LANCL2: variants seen among roughly 807,000 people sequenced by gnomAD.
LANCL2 encodes LanC like glutathione S-transferase 2.
In LANCL2, 33 loss-of-function variants were observed where a neutral mutation model predicts 56.9. The observed-to-expected ratio is 0.58, with a 90% CI of 0.44 to 0.78. The LOEUF (loss-of-function observed/expected upper bound fraction) is 0.78, where lower values mean the gene tolerates loss of function less well. Among genes scored for constraint, LANCL2 ranks in the 30% least tolerant of loss-of-function variants. The probability of loss-of-function intolerance (pLI) is 0.00; values close to 1 mark genes in which losing one functional copy is unlikely to be tolerated. For missense variants in LANCL2, 562 were observed against 580.2 expected (o/e 0.97, Z 0.32); for synonymous variants, 233 against 228.2 (o/e 1.02, Z -0.19).
Position 55,365,976 on chromosome 7 carries a change from G to A in LANCL2, c.-50G>A, listed in dbSNP as rs2128990268. On this transcript the variant is annotated 5_prime_UTR_variant, in exon 1 of 9. Coordinates refer to ENST00000254770, the MANE Select transcript of LANCL2 (RefSeq NM_018697.4). Reference sequence around the variant, plus strand: ...GGAGGCGGCGGCGGGGCGAGCTGCAGCGCCGGGACAGGAGGTTTGTCCCCG... The same window carrying A: ...GGAGGCGGCGGCGGGGCGAGCTGCAACGCCGGGACAGGAGGTTTGTCCCCG... The A allele has an allele frequency of 7.4e-7, 1 of 1,342,290 alleles. No individual in the cohort carries two copies. The highest frequency in any genetic ancestry group is 9.7e-7 in the Non-Finnish European group (1 of 1,027,252). 83.1% of individuals were successfully genotyped at this position (1,342,290 alleles called of 1,614,324 possible). A position where few individuals can be genotyped will look rare whatever the true frequency, so the allele number is the denominator to read the frequency against.
chr7:55,407,448 A>G (rs548427387), intron 5 of LANCL2, among the ~76,000 whole-genome samples: 15 of 152,202 alleles, frequency 9.9e-5, no homozygotes, highest in Non-Finnish European at 1.9e-4. Context: ...GCCCCCATTA[A>G]AAAGTTAGTC....
At chr7:55,421,094 G>C (rs1286790114) in intron 6 of LANCL2, among the ~76,000 whole-genome samples, 2 of 152,032 alleles carry the variant, frequency 1.3e-5, no homozygotes, top group Non-Finnish European at 2.9e-5. Flanking sequence ...ACATCTTTTT[G>C]CTTTCAACCT....
chr7:55,428,765 A>G (rs2128996904), intron 8 of LANCL2, among the ~76,000 whole-genome samples: 1 of 152,324 alleles, frequency 6.6e-6, no homozygotes, highest in Middle Eastern at 3.4e-3. Context: ...TGCATATTTA[A>G]TATTGGTGTA....
At chr7:55,415,621 C>CTTTTTTTTTTTTTTTTTTTTTTTTTTT (rs71031852) in intron 6 of LANCL2, among the ~76,000 whole-genome samples, 6 of 111,768 alleles carry the variant, frequency 5.4e-5, no homozygotes, top group Non-Finnish European at 9.2e-5. Flanking sequence ...GTTTTTCTTT[C>CTTTTTTTTTTTTTTTTTTTTTTTTTTT]TTTTTTTTGA....
At chr7:55,420,978 TC>T (rs1329659637) in intron 6 of LANCL2, among the ~76,000 whole-genome samples, 2 of 152,236 alleles carry the variant, frequency 1.3e-5, no homozygotes, top group African/African-American at 4.8e-5. Context: ...TCTTTTATCA[TC>T]ATGGAATGTT....
At chr7:55,366,432 G>A (rs1235784285) in intron 1 of LANCL2, among the ~76,000 whole-genome samples, 1 of 152,266 alleles carries the variant, frequency 6.6e-6, no homozygotes. Context: ...CGTTCCAGCA[G>A]TTCGGCCCTC....
At chr7:55,370,041 C>G (rs1789925834) in intron 1 of LANCL2, among the ~76,000 whole-genome samples, 1 of 152,194 alleles carries the variant, frequency 6.6e-6, no homozygotes, top group Non-Finnish European at 1.5e-5. Flanking sequence ...CTGGGTGGTT[C>G]TGGCTCACGG....
intron 7 of LANCL2, among the ~76,000 whole-genome samples, chr7:55,426,398 A>G (rs1790664121): frequency 6.6e-6 from 1 of 152,246 alleles, no homozygotes; most frequent in African/African-American, 2.4e-5. Context: ...CACAGAAAAA[A>G]GATTGGAAGA....
At chr7:55,426,085 G>A (rs1790661644) in intron 7 of LANCL2, among the ~76,000 whole-genome samples, 1 of 152,194 alleles carries the variant, frequency 6.6e-6, no homozygotes, top group Non-Finnish European at 1.5e-5. Context: ...TCCTTGCCAT[G>A]CTGATCTGAA....
chr7:55,399,822 TG>T, intron 3 of LANCL2, 134 bp from the exon 4 acceptor site: 1 of 643,694 alleles, frequency 1.6e-6, no homozygotes, highest in Non-Finnish European at 2.5e-6. Flanking sequence ...GTTCTGGATT[TG>T]GGAGTATTTT....
Position 55,401,219 on chromosome 7 carries a change from G to A in LANCL2, c.724G>A (p.Glu242Lys). Residue 242 changes from glutamate to lysine, a missense_variant, in exon 5 of 9, where the codon GAA (glutamate) becomes AAA (lysine). Physicochemically the swap from Glu to Lys is moderately conservative, Grantham distance 56. This residue lies in a region of LANCL2 where 378 missense variants were observed against 468.4 expected (regional missense o/e 0.81). Coordinates refer to ENST00000254770, the MANE Select transcript of LANCL2 (RefSeq NM_018697.4). ...IESGKTLSREERKTERCPLLY... is the reference protein window; with the variant it reads ...IESGKTLSREKRKTERCPLLY... The stretch of plus-strand genomic sequence containing the variant: ...ATCGGGTAAGACTTTGTCAAGGGAA[G>A]AAAGAAAAACGGAGCGCTGCCCGCT... 1 of 1,614,138 alleles carries A rather than the reference G, an allele frequency of 6.2e-7. No individual in the cohort carries two copies. Among genetic ancestry groups the A allele is most frequent in the African/African-American group, 1.3e-5 (1 of 75,050 alleles).
intron 6 of LANCL2, among the ~76,000 whole-genome samples, chr7:55,413,475 A>T (rs1790493245): frequency 6.6e-6 from 1 of 152,136 alleles, no homozygotes; most frequent in Non-Finnish European, 1.5e-5. Flanking sequence ...GTGCTTTTCC[A>T]CTGTGTTTCA....
intron 6 of LANCL2, among the ~76,000 whole-genome samples, chr7:55,424,560 G>GT (rs1790641919): frequency 6.6e-6 from 1 of 152,178 alleles, no homozygotes; most frequent in East Asian, 1.9e-4. Flanking sequence ...CAAGAAACAA[G>GT]GAAAACATCT....
At chr7:55,399,796 G>C (rs1196398753) in intron 3 of LANCL2, among the ~76,000 whole-genome samples, 161 bp from the exon 4 acceptor site, 1 of 152,116 alleles carries the variant, frequency 6.6e-6, no homozygotes, top group East Asian at 1.9e-4. Flanking sequence ...TAGTAAACTG[G>C]AGACGTTTTT....
intron 1 of LANCL2, among the ~76,000 whole-genome samples, chr7:55,368,648 T>C (rs919886025): frequency 1.3e-5 from 2 of 151,794 alleles, no homozygotes; most frequent in African/African-American, 4.9e-5. Flanking sequence ...CTGTTTTTGA[T>C]AGACATGAAA....
At chr7:55,407,388 G>A (rs1009506885) in intron 5 of LANCL2, among the ~76,000 whole-genome samples, 16 of 152,278 alleles carry the variant, frequency 1.1e-4, no homozygotes, top group South Asian at 4.1e-4. Flanking sequence ...TCACTTTTCC[G>A]AAGAAACAAG....
At chr7:55,428,321 G>A in intron 7 of LANCL2, 54 bp from the exon 8 acceptor site, 1 of 1,476,452 alleles carries the variant, frequency 6.8e-7, no homozygotes, top group Non-Finnish European at 9.5e-7. Flanking sequence ...CTCATTTATT[G>A]CCTTTTCACC....
intron 1 of LANCL2, among the ~76,000 whole-genome samples, chr7:55,383,334 G>A (rs1020345448): frequency 4.6e-5 from 7 of 152,188 alleles, no homozygotes; most frequent in African/African-American, 1.7e-4. Context: ...AGGAGGAATG[G>A]TCAGTTATAT....
intron 6 of LANCL2, among the ~76,000 whole-genome samples, chr7:55,419,924 T>C (rs964179535): frequency 6.6e-5 from 10 of 152,082 alleles, no homozygotes; most frequent in African/African-American, 7.2e-5. Context: ...GAGGCCAAGG[T>C]GGAGGATAGC....
Sources: allele counts gnomAD v4.1 joint callset (sites outside exome capture counted in the v4.1 genomes callset), GRCh38; gene constraint gnomAD v4.1.1; regional missense constraint gnomAD v4.1.1; transcripts MANE v1.5; gene names NCBI Gene and HGNC (gene_info 2026-07-23, HGNC 2026-07-21).